The following KIAA1671 variants were observed in gnomAD, a reference collection of about 807,000 sequenced individuals.
KIAA1671 encodes the protein KIAA1671, also known as uncharacterized protein KIAA1671.
KIAA1671 carries 52 observed loss-of-function variants against 131.2 expected under a neutral mutation model. The ratio of observed to expected loss-of-function variants is 0.40; its 90% CI spans 0.32 to 0.50. The LOEUF is 0.50. KIAA1671 is among the 20% of genes least tolerant of loss of function. The probability of loss-of-function intolerance (pLI) is 0.73; values close to 1 mark genes in which losing one functional copy is unlikely to be tolerated. For synonymous variants in KIAA1671, 1,003 were observed against 961.6 expected (o/e 1.04, Z -0.80); for missense variants, 2,360 against 2,364.2 (o/e 1.00, Z 0.04).
At chr22:25,068,845 G>A (rs1928648100) in intron 6 of KIAA1671, among the ~76,000 whole-genome samples, 2 of 152,200 alleles carry the variant, frequency 1.3e-5, no homozygotes, top group Admixed American at 1.3e-4. Flanking sequence ...GGGGCAGTCA[G>A]TGTGCCAAGC....
intron 1 of KIAA1671, among the ~76,000 whole-genome samples, chr22:24,970,146 C>T (rs749582999): frequency 7.2e-5 from 11 of 152,200 alleles, no homozygotes; most frequent in Non-Finnish European, 1.5e-4. Context: ...TCCCAGCAGG[C>T]TGGGAGGTGG....
In KIAA1671 at chr22:25,039,565, A is replaced by G; in HGVS notation, c.2435A>G (p.Lys812Arg). 1 of 1,551,772 alleles carries G rather than the reference A, an allele frequency of 6.4e-7. No individual in the cohort carries two copies. Among genetic ancestry groups the G allele is most frequent in the Non-Finnish European group, 8.7e-7 (1 of 1,147,010 alleles). ...ARGMPEASGP[K>R]FGGNCPFPKW... ...GGCATGCCTGAGGCTAGTGGACCGA[A>G]GTTTGGGGGCAATTGCCCGTTTCCC... Residue 812 changes from lysine to arginine, a missense_variant, in exon 5 of 13, where the codon AAG becomes AGG. Around this residue, in one of 3 missense-constraint regions of KIAA1671, gnomAD observed 1,185 missense variants for 1,126.2 expected, o/e 1.05. Coordinates refer to ENST00000358431, the MANE Select transcript of KIAA1671 (RefSeq NM_001145206.2).
chr22:25,103,946 G>A (rs539306493), intron 6 of KIAA1671, among the ~76,000 whole-genome samples: 2 of 152,272 alleles, frequency 1.3e-5, no homozygotes, highest in Non-Finnish European at 2.9e-5. Context: ...CTCCATTAGT[G>A]GTTATTATTT....
chr22:25,007,629 G>A (rs944895212), intron 1 of KIAA1671, among the ~76,000 whole-genome samples: 1 of 152,092 alleles, frequency 6.6e-6, no homozygotes, highest in African/African-American at 2.4e-5. Flanking sequence ...CATAAGACAT[G>A]TCCACCAGTG....
chr22:25,015,748 T>C (rs1396898692), intron 1 of KIAA1671, among the ~76,000 whole-genome samples: 1 of 152,178 alleles, frequency 6.6e-6, no homozygotes, highest in Non-Finnish European at 1.5e-5. Flanking sequence ...TGTCCTACCC[T>C]ACATCCCATG....
chr22:24,957,218 C>T (rs538470431), intron 1 of KIAA1671, among the ~76,000 whole-genome samples: 13 of 152,038 alleles, frequency 8.6e-5, no homozygotes, highest in African/African-American at 2.9e-4. Context: ...AGGGAGTGAC[C>T]CACAGGTGAT....
At chr22:25,114,776 G>A (rs925821913) in intron 6 of KIAA1671, among the ~76,000 whole-genome samples, 1 of 152,180 alleles carries the variant, frequency 6.6e-6, no homozygotes, top group South Asian at 2.1e-4. Context: ...TTTACTCAGG[G>A]ACTTCACTTA....
At chr22:25,188,447 G>GGTGGGT (rs1934550159) in intron 11 of KIAA1671, among the ~76,000 whole-genome samples, 1 of 137,890 alleles carries the variant, frequency 7.3e-6, no homozygotes, top group African/African-American at 2.7e-5. Context: ...GAGCCAATCG[G>GGTGGGT]GTGTGTGTGT....
At chr22:25,149,147 C>T (rs1601358070) in intron 6 of KIAA1671, among the ~76,000 whole-genome samples, 1 of 152,184 alleles carries the variant, frequency 6.6e-6, no homozygotes, top group African/African-American at 2.4e-5. Context: ...TGAGCTCATC[C>T]AGTGCTCACC....
At chr22:25,095,238 A>G (rs1340440251) in intron 6 of KIAA1671, among the ~76,000 whole-genome samples, 1 of 152,158 alleles carries the variant, frequency 6.6e-6, no homozygotes, top group East Asian at 1.9e-4. Flanking sequence ...TCTGTGGGGA[A>G]AGGTAGGTGT....
intron 6 of KIAA1671, among the ~76,000 whole-genome samples, chr22:25,099,373 G>A (rs1042879456): frequency 3.9e-5 from 6 of 152,048 alleles, no homozygotes; most frequent in Non-Finnish European, 5.9e-5. Context: ...GCCCTAAACC[G>A]TGCTTGTGAG....
chr22:25,105,055 G>A lies in KIAA1671; in HGVS notation c.4530+55691G>A, dbSNP rs566109588. On this transcript the variant is annotated intron_variant, in intron 6 of 12. Transcript: ENST00000358431. ...TCTTTTTTTTTTGAGACTGAGTCTCGCTCTGTTGCCCAGGCTGGAATGCAA... is the reference window on the plus strand; with the variant it reads ...TCTTTTTTTTTTGAGACTGAGTCTCACTCTGTTGCCCAGGCTGGAATGCAA... 1.3e-3 allele frequency among the ~76,000 whole-genome samples: 201 copies of A among 150,258 alleles called. 2 individuals are homozygous for A. Among genetic ancestry groups the A allele is most frequent in the Middle Eastern group, 6.8e-3 (2 of 292 alleles).
At chr22:25,136,770 G>C (rs1932694511) in intron 6 of KIAA1671, among the ~76,000 whole-genome samples, 1 of 152,192 alleles carries the variant, frequency 6.6e-6, no homozygotes, top group Non-Finnish European at 1.5e-5. Flanking sequence ...TGGAGTAGGT[G>C]AATGTAGCAC....
At chr22:25,187,695 G>C (rs1934524896) in intron 11 of KIAA1671, among the ~76,000 whole-genome samples, 1 of 151,988 alleles carries the variant, frequency 6.6e-6, no homozygotes, top group Non-Finnish European at 1.5e-5. Flanking sequence ...TTTTTTTGTA[G>C]AGACAAGATT....
intron 6 of KIAA1671, among the ~76,000 whole-genome samples, chr22:25,095,544 G>C (rs965107606): frequency 2.0e-5 from 3 of 152,118 alleles, no homozygotes; most frequent in Non-Finnish European, 4.4e-5. Context: ...CCAGCTACTC[G>C]GGAGGCTGAG....
intron 12 of KIAA1671, among the ~76,000 whole-genome samples, chr22:25,191,497 A>G (rs1462785202): frequency 1.3e-5 from 2 of 152,282 alleles, no homozygotes; most frequent in East Asian, 3.9e-4. Context: ...TTTCATATAC[A>G]ACCTATGTAG....
intron 1 of KIAA1671, among the ~76,000 whole-genome samples, chr22:24,990,679 C>G (rs1180339560): frequency 6.6e-6 from 1 of 152,248 alleles, no homozygotes; most frequent in East Asian, 1.9e-4. Flanking sequence ...CTGCTCACGT[C>G]CTGGCCTTGC....
chr22:25,050,723 G>C (rs1342917131), intron 6 of KIAA1671: 2 of 152,268 alleles, frequency 1.3e-5, no homozygotes, highest in African/African-American at 4.8e-5. Flanking sequence ...ATCCCAGCTA[G>C]GTGTTTACTG....
chr22:24,982,414 TCTC>T (rs921739163), intron 1 of KIAA1671, among the ~76,000 whole-genome samples: 1 of 152,236 alleles, frequency 6.6e-6, no homozygotes. Flanking sequence ...ATGGAGACCT[TCTC>T]CTGGCTGGAA....
Sources: gnomAD v4.1 joint callset for allele counts (sites outside exome capture counted in the v4.1 genomes callset) on GRCh38, gnomAD v4.1.1 for gene constraint, gnomAD v4.1.1 regional missense constraint, MANE v1.5 for transcripts, NCBI Gene and HGNC (gene_info 2026-07-23, HGNC 2026-07-21) for gene names.